The following COBL variants were observed in gnomAD, a reference collection of about 807,000 sequenced individuals.
COBL encodes cordon-bleu WH2 repeat protein, also known as protein cordon-bleu.
In COBL, 51 loss-of-function variants were observed where a neutral mutation model predicts 98.8. The observed-to-expected ratio is 0.52, with a 90% CI of 0.41 to 0.65. The LOEUF (loss-of-function observed/expected upper bound fraction) is 0.65. Among genes scored for constraint, COBL ranks in the 30% least tolerant of loss-of-function variants. COBL has a pLI of 0.00. For synonymous variants in COBL, 634 were observed against 651.7 expected (o/e 0.97, Z 0.41); for missense variants, 1,617 against 1,617.5 (o/e 1.00, Z 0.01).
chr7:51,058,088 C>T (rs1790947181), intron 7 of COBL, among the ~76,000 whole-genome samples: 1 of 151,948 alleles, frequency 6.6e-6, no homozygotes. Context: ...CCATGGTTTA[C>T]ATTAGGTTGC....
chr7:51,247,962 A>AC (rs1796395487), intron 1 of COBL, among the ~76,000 whole-genome samples: 1 of 151,850 alleles, frequency 6.6e-6, no homozygotes, highest in Non-Finnish European at 1.5e-5. Context: ...ACATGGTGAA[A>AC]CCCCCGTCTC....
At chr7:51,253,284 CTATT>C (rs1468460192) in intron 1 of COBL, among the ~76,000 whole-genome samples, 1 of 152,158 alleles carries the variant, frequency 6.6e-6, no homozygotes, top group Non-Finnish European at 1.5e-5. Context: ...GACATTCTCT[CTATT>C]TGAGTAACAC....
chr7:51,066,450 G>A (rs993358283), intron 7 of COBL, among the ~76,000 whole-genome samples: 4 of 152,214 alleles, frequency 2.6e-5, no homozygotes, highest in African/African-American at 4.8e-5. Context: ...AGGGAGGAGG[G>A]ATATGGAAGT....
At position 51,259,551 on chromosome 7, in the gene COBL, C is replaced by T. The variant is rs575857510; in HGVS notation, c.42-39607G>A. 6.2e-4 allele frequency: 434 copies of T among 704,812 alleles called. 3 individuals carry two copies. The highest frequency in any genetic ancestry group is 5.1e-3 in the South Asian group (355 of 70,236). 43.7% of individuals were successfully genotyped at this position (704,812 alleles called of 1,614,324 possible). A position where few individuals can be genotyped will look rare whatever the true frequency, so the allele number is the denominator to read the frequency against. ...ATGGGCCACTGAGAAGTGGAAAGGG[C>T]GCAAAAACCATGAGATCTCCTGGAA... On this transcript the variant is annotated intron_variant, in intron 1 of 12. Coordinates refer to ENST00000265136, the MANE Select transcript of COBL (RefSeq NM_015198.5).
intron 1 of COBL, among the ~76,000 whole-genome samples, chr7:51,307,059 G>A (rs1055159183): frequency 3.3e-5 from 5 of 152,152 alleles, no homozygotes; most frequent in African/African-American, 9.7e-5. Context: ...AAACCAAGAG[G>A]ACAGGCCGGG....
At chr7:51,175,223 T>C (rs760557081) in intron 5 of COBL, among the ~76,000 whole-genome samples, 3 of 152,280 alleles carry the variant, frequency 2.0e-5, no homozygotes, top group Non-Finnish European at 2.9e-5. Context: ...ACTGCTGATA[T>C]CACTTTACAT....
intron 9 of COBL, 67 bp from the exon 10 acceptor site, chr7:51,029,658 A>G (rs940591589): frequency 3.1e-5 from 41 of 1,326,096 alleles, no homozygotes; most frequent in Middle Eastern, 1.9e-4. Context: ...AACTGCAGCC[A>G]TGACTTTGAT....
At chr7:51,286,556 T>G (rs1352432908) in intron 1 of COBL, among the ~76,000 whole-genome samples, 1 of 152,094 alleles carries the variant, frequency 6.6e-6, no homozygotes, top group Non-Finnish European at 1.5e-5. Flanking sequence ...AAAACCACAA[T>G]GAGATGCCAT....
At chr7:51,168,120 G>C (rs2129040802) in intron 5 of COBL, among the ~76,000 whole-genome samples, 1 of 152,198 alleles carries the variant, frequency 6.6e-6, no homozygotes, top group African/African-American at 2.4e-5. Context: ...ACAAAATGAA[G>C]AGACAACCCA....
chr7:51,296,421 G>A (rs1408965180), intron 1 of COBL, among the ~76,000 whole-genome samples: 3 of 151,904 alleles, frequency 2.0e-5, no homozygotes, highest in East Asian at 3.9e-4. Flanking sequence ...AAATGAAGGC[G>A]TGCAATATTT....
At chr7:51,201,121 T>A (rs1444849644) in intron 2 of COBL, among the ~76,000 whole-genome samples, 1 of 151,036 alleles carries the variant, frequency 6.6e-6, no homozygotes, top group Non-Finnish European at 1.5e-5. Context: ...GCGCCTTTAA[T>A]CCCTGCTACT....
intron 7 of COBL, among the ~76,000 whole-genome samples, chr7:51,077,765 T>C (rs1478033963): frequency 1.3e-5 from 2 of 152,196 alleles, no homozygotes; most frequent in Non-Finnish European, 2.9e-5. Context: ...TTTCTAATAG[T>C]TCCTCTGCTC....
chr7:51,186,997 G>T (rs1584099774), intron 4 of COBL, among the ~76,000 whole-genome samples: 5 of 152,252 alleles, frequency 3.3e-5, no homozygotes, highest in Admixed American at 3.3e-4. Context: ...CATTTATTTT[G>T]TTTGAATTTA....
chr7:51,142,721 G>A (rs2129013317), intron 5 of COBL, among the ~76,000 whole-genome samples: 1 of 152,290 alleles, frequency 6.6e-6, no homozygotes, highest in East Asian at 1.9e-4. Flanking sequence ...TGGAAGACAT[G>A]ATTGAAGGTG....
At chr7:51,113,020 C>T (rs1308832310) in intron 6 of COBL, among the ~76,000 whole-genome samples, 2 of 152,144 alleles carry the variant, frequency 1.3e-5, no homozygotes, top group African/African-American at 2.4e-5. Context: ...CTTAACCTTC[C>T]GGAAATGATA....
chr7:51,126,633 T>C (rs570812353), intron 6 of COBL, among the ~76,000 whole-genome samples: 17 of 152,040 alleles, frequency 1.1e-4, no homozygotes, highest in Non-Finnish European at 2.1e-4. Flanking sequence ...ACTCCTCTCA[T>C]TCACAGTCCA....
intron 7 of COBL, among the ~76,000 whole-genome samples, chr7:51,077,959 C>T (rs1011176928): frequency 7.2e-5 from 11 of 152,134 alleles, no homozygotes; most frequent in Non-Finnish European, 5.9e-5. Context: ...CCTCTCTGTA[C>T]CTACTCATCA....
chr7:51,076,205 T>A (rs1793057871), intron 7 of COBL, among the ~76,000 whole-genome samples: 1 of 152,232 alleles, frequency 6.6e-6, no homozygotes, highest in Admixed American at 6.5e-5. Flanking sequence ...TGTGTTTGTG[T>A]CACAAGCTTT....
intron 7 of COBL, among the ~76,000 whole-genome samples, chr7:51,082,736 G>A (rs1037890331): frequency 2.8e-4 from 42 of 152,164 alleles, no homozygotes; most frequent in African/African-American, 9.7e-4. Context: ...CGGCTGTGCC[G>A]GACAGCTGTC....
Sources: gnomAD v4.1 joint callset for allele counts (sites outside exome capture counted in the v4.1 genomes callset) on GRCh38, gnomAD v4.1.1 for gene constraint, MANE v1.5 for transcripts, NCBI Gene and HGNC (gene_info 2026-07-23, HGNC 2026-07-21) for gene names.